The following PTPRT variants were observed in gnomAD, a reference collection of about 807,000 sequenced individuals.
The protein encoded by PTPRT is protein tyrosine phosphatase receptor type T.
Under a neutral mutation model 176.8 loss-of-function variants are expected in PTPRT, and 56 were observed. That is an observed-to-expected ratio of 0.32 (90% CI 0.26 to 0.40). The LOEUF (loss-of-function observed/expected upper bound fraction) is 0.40, where lower values mean the gene tolerates loss of function less well. PTPRT is among the 10% of genes least tolerant of loss of function. The pLI, the probability that PTPRT is intolerant of heterozygous loss-of-function variation, is 1.00. For missense variants in PTPRT, 1,540 were observed against 1,908.2 expected (o/e 0.81, Z 3.60); for synonymous variants, 783 against 739.0 (o/e 1.06, Z -0.96).
At chr20:42,704,177 C>A (rs943162756) in intron 6 of PTPRT, among the ~76,000 whole-genome samples, 1 of 152,154 alleles carries the variant, frequency 6.6e-6, no homozygotes, top group African/African-American at 2.4e-5. Flanking sequence ...TTATCCCCTT[C>A]TAGATTAGGT....
intron 15 of PTPRT, among the ~76,000 whole-genome samples, chr20:42,215,744 T>C (rs1009102588): frequency 6.6e-6 from 1 of 152,198 alleles, no homozygotes; most frequent in Non-Finnish European, 1.5e-5. Flanking sequence ...GCCCTCCCAG[T>C]CATTTTCCCA....
At chr20:42,299,997 C>T (rs1213204211) in intron 12 of PTPRT, among the ~76,000 whole-genome samples, 3 of 151,476 alleles carry the variant, frequency 2.0e-5, no homozygotes, top group Non-Finnish European at 4.4e-5. Flanking sequence ...GCGGCTCATG[C>T]CTGTAATCCC....
At chr20:42,556,648 G>C (rs1474018988) in intron 7 of PTPRT, among the ~76,000 whole-genome samples, 1 of 152,144 alleles carries the variant, frequency 6.6e-6, no homozygotes, top group Non-Finnish European at 1.5e-5. Flanking sequence ...TAGAAGAGCA[G>C]ATTAGAATCA....
intron 11 of PTPRT, among the ~76,000 whole-genome samples, chr20:42,350,161 G>C (rs1373367377): frequency 6.8e-6 from 1 of 148,038 alleles, no homozygotes; most frequent in Non-Finnish European, 1.5e-5. Context: ...CCATAAACAT[G>C]TTCCAGGAAG....
the PTPRT span, among the ~76,000 whole-genome samples, chr20:42,054,522 T>G: frequency 0.018 from 2,766 of 152,308 alleles, 75 homozygotes; most frequent in African/African-American, 0.062. Flanking sequence ...TTAACTGTCT[T>G]TGAATTGTGC....
chr20:42,721,956 C>A (rs897118136), intron 6 of PTPRT, among the ~76,000 whole-genome samples: 21 of 152,224 alleles, frequency 1.4e-4, no homozygotes, highest in African/African-American at 4.8e-4. Flanking sequence ...TTGTGTCTGT[C>A]TTGATACTCT....
Position 43,023,350 on chromosome 20 carries a change from T to C in PTPRT, c.89-137418A>G, listed in dbSNP as rs568540289. ...TGTCAACTGCATGCTCATGCTGTTC[T>C]GGCACTGGCTGTGTGCAGGTCATAA... On this transcript the variant is annotated intron_variant, in intron 1 of 30. Transcript: ENST00000373187. Among the ~76,000 whole-genome samples, 21 of 152,344 alleles carry C rather than the reference T, an allele frequency of 1.4e-4. No individual in the cohort carries two copies. In the South Asian group the frequency reaches 4.3e-3, roughly 32 times the overall value.
chr20:43,174,903 G>T (rs1329857302), intron 1 of PTPRT, among the ~76,000 whole-genome samples: 3 of 152,080 alleles, frequency 2.0e-5, no homozygotes, highest in Non-Finnish European at 4.4e-5. Flanking sequence ...CCAATGATTT[G>T]GTTTTCAGAA....
intron 7 of PTPRT, among the ~76,000 whole-genome samples, chr20:42,586,522 G>C (rs980883912): frequency 6.6e-6 from 1 of 152,126 alleles, no homozygotes; most frequent in Admixed American, 6.5e-5. Context: ...CTCCACCAGA[G>C]CCTGCATTTT....
chr20:42,273,879 G>A (rs777167839), intron 13 of PTPRT, among the ~76,000 whole-genome samples: 1 of 152,342 alleles, frequency 6.6e-6, no homozygotes. Context: ...TGGGCCTAGA[G>A]GAGGTACCTC....
At chr20:42,822,306 A>T (rs2077908546) in intron 2 of PTPRT, among the ~76,000 whole-genome samples, 2 of 152,240 alleles carry the variant, frequency 1.3e-5, no homozygotes, top group South Asian at 4.1e-4. Flanking sequence ...TGGGGAAAGG[A>T]CATCCTATTA....
intron 6 of PTPRT, among the ~76,000 whole-genome samples, chr20:42,720,046 ATTTAACTCACTTACTCATCATT>A (rs1049714701): frequency 6.6e-6 from 1 of 152,230 alleles, no homozygotes; most frequent in Non-Finnish European, 1.5e-5. Flanking sequence ...AACAAGTTTC[ATTTAACTCACTTACTCATCATT>A]TAGCCACTCA....
At chr20:42,336,263 A>T (rs2145454716) in intron 11 of PTPRT, among the ~76,000 whole-genome samples, 1 of 152,316 alleles carries the variant, frequency 6.6e-6, no homozygotes, top group East Asian at 1.9e-4. Context: ...GAAGGGAGGT[A>T]TTGGATGATT....
At chr20:42,590,487 C>T (rs560849990) in intron 7 of PTPRT, among the ~76,000 whole-genome samples, 5 of 152,066 alleles carry the variant, frequency 3.3e-5, no homozygotes, top group African/African-American at 9.7e-5. Context: ...TGTCCCTGAC[C>T]TTAAGGAGAC....
At chr20:42,869,433 A>T (rs1387266327) in intron 2 of PTPRT, among the ~76,000 whole-genome samples, 1 of 152,150 alleles carries the variant, frequency 6.6e-6, no homozygotes, top group African/African-American at 2.4e-5. Context: ...GTCAAAGAAG[A>T]TCATTCTCAA....
chr20:42,837,372 G>A (rs1239460333), intron 2 of PTPRT, among the ~76,000 whole-genome samples: 4 of 152,174 alleles, frequency 2.6e-5, no homozygotes, highest in Non-Finnish European at 4.4e-5. Context: ...TCTGGCCTCC[G>A]CCACCCCTCA....
chr20:42,828,463 G>T (rs558392135), intron 2 of PTPRT, among the ~76,000 whole-genome samples: 8 of 152,324 alleles, frequency 5.3e-5, no homozygotes, highest in Admixed American at 3.9e-4. Flanking sequence ...GCAGAAATTT[G>T]CATTAGTAAT....
At position 43,138,141 on chromosome 20, in the gene PTPRT, G is replaced by A. The variant is rs528918085; in HGVS notation, c.88+51505C>T. 7.2e-5 allele frequency among the ~76,000 whole-genome samples: 11 copies of A among 152,338 alleles called. No individual in the cohort carries two copies. The East Asian group carries it at 1.4e-3, about 19-fold the overall frequency. On this transcript the variant is annotated intron_variant, in intron 1 of 30. Transcript: ENST00000373187. The stretch of plus-strand genomic sequence containing the variant: ...CCGGCACAGAGTGAGTGCTGAGTGG[G>A]CACTGGCAAGAGGCTCTCTAGGGAT...
chr20:42,838,806 T>C (rs1392578930), intron 2 of PTPRT, among the ~76,000 whole-genome samples: 1 of 152,180 alleles, frequency 6.6e-6, no homozygotes, highest in Admixed American at 6.5e-5. Flanking sequence ...CAATGTCTAG[T>C]GTAGTGGCCA....
Sources: gnomAD v4.1 joint callset for allele counts (sites outside exome capture counted in the v4.1 genomes callset) on GRCh38, gnomAD v4.1.1 for gene constraint, MANE v1.5 for transcripts, NCBI Gene and HGNC (gene_info 2026-07-23, HGNC 2026-07-21) for gene names.